Variants in CSMD1 observed in about 807,000 individuals in gnomAD.
CSMD1 encodes the protein CUB and Sushi multiple domains 1, also known as CUB and sushi domain-containing protein 1.
A neutral mutation model predicts 417.5 loss-of-function variants in CSMD1; 213 were observed. The ratio of observed to expected loss-of-function variants is 0.51; its 90% CI spans 0.46 to 0.57. The LOEUF is 0.57. Among genes scored for constraint, CSMD1 ranks in the 20% least tolerant of loss-of-function variants. The probability of loss-of-function intolerance (pLI) is 0.00; values close to 1 mark genes in which losing one functional copy is unlikely to be tolerated. For missense variants in CSMD1, 6,923 were observed against 4,529.7 expected (o/e 1.53, Z -15.17); for synonymous variants, 2,862 against 1,736.8 (o/e 1.65, Z -16.11).
chr8:4,694,462 C>G (rs1806986095), intron 1 of CSMD1, among the ~76,000 whole-genome samples: 1 of 152,092 alleles, frequency 6.6e-6, no homozygotes, highest in South Asian at 2.1e-4. Flanking sequence ...AGCGATTCTC[C>G]TGCCTCAGCC....
intron 5 of CSMD1, among the ~76,000 whole-genome samples, chr8:3,765,661 G>A (rs1021748938): frequency 6.6e-6 from 1 of 152,238 alleles, no homozygotes; most frequent in Non-Finnish European, 1.5e-5. Flanking sequence ...ATTAAGAACA[G>A]TAAGAGAATG....
At chr8:4,599,265 A>T (rs1800453664) in intron 2 of CSMD1, among the ~76,000 whole-genome samples, 3 of 152,218 alleles carry the variant, frequency 2.0e-5, no homozygotes, top group African/African-American at 7.2e-5. Flanking sequence ...GTGTCCAAGC[A>T]AGGAGATAAA....
chr8:4,190,537 T>C (rs1233566686), intron 3 of CSMD1, among the ~76,000 whole-genome samples: 1 of 99,458 alleles, frequency 1.0e-5, no homozygotes, highest in Admixed American at 1.4e-4. Context: ...TACATACACA[T>C]ATAAGCTTTT....
intron 3 of CSMD1, among the ~76,000 whole-genome samples, chr8:4,134,078 T>A (rs1217050581): frequency 1.3e-5 from 2 of 152,248 alleles, no homozygotes; most frequent in Admixed American, 6.5e-5. Context: ...GCTATTATTA[T>A]AAGATTATCA....
At chr8:4,521,974 T>G (rs899063113) in intron 2 of CSMD1, among the ~76,000 whole-genome samples, 1 of 152,200 alleles carries the variant, frequency 6.6e-6, no homozygotes, top group Non-Finnish European at 1.5e-5. Context: ...TGCCTTTTTG[T>G]ATCCTAGTTT....
chr8:3,197,566 C>T (rs1024275659), intron 33 of CSMD1, among the ~76,000 whole-genome samples: 10 of 151,352 alleles, frequency 6.6e-5, no homozygotes, highest in South Asian at 2.1e-4. Context: ...CCCGGGTTCA[C>T]GCCATTCTCC....
chr8:4,942,093 G>A (rs1280340691), intron 1 of CSMD1, among the ~76,000 whole-genome samples: 2 of 152,014 alleles, frequency 1.3e-5, no homozygotes, highest in Non-Finnish European at 1.5e-5. Flanking sequence ...ATTTTTACAG[G>A]TAACATTCCA....
At chr8:4,286,047 T>C (rs561323299) in intron 3 of CSMD1, among the ~76,000 whole-genome samples, 2 of 152,168 alleles carry the variant, frequency 1.3e-5, no homozygotes, top group Non-Finnish European at 2.9e-5. Context: ...GTGGAATTTG[T>C]AGTTACATCC....
At chr8:4,614,386 A>C (rs115297058) in intron 2 of CSMD1, among the ~76,000 whole-genome samples, 1 of 152,194 alleles carries the variant, frequency 6.6e-6, no homozygotes, top group African/African-American at 2.4e-5. Context: ...AGGTTGACAG[A>C]AAACAGTCCA....
At chr8:4,392,087 A>C (rs1265244608) in intron 3 of CSMD1, among the ~76,000 whole-genome samples, 1 of 152,158 alleles carries the variant, frequency 6.6e-6, no homozygotes, top group African/African-American at 2.4e-5. Context: ...CAGCTGCATG[A>C]GTGTCCAAGG....
At chr8:4,825,550 G>T (rs1450637214) in intron 1 of CSMD1, among the ~76,000 whole-genome samples, 1 of 151,584 alleles carries the variant, frequency 6.6e-6, no homozygotes, top group South Asian at 2.1e-4. Context: ...CTGCTTATAT[G>T]TGTGTGGCTG....
intron 47 of CSMD1, among the ~76,000 whole-genome samples, chr8:3,092,736 C>G (rs1016704852): frequency 2.6e-5 from 4 of 152,190 alleles, no homozygotes; most frequent in African/African-American, 7.2e-5. Flanking sequence ...CACCATAACC[C>G]AAAACCATTT....
intron 1 of CSMD1, among the ~76,000 whole-genome samples, chr8:4,751,059 G>A (rs1024869668): frequency 6.6e-6 from 1 of 152,178 alleles, no homozygotes; most frequent in South Asian, 2.1e-4. Context: ...CCTCACACCA[G>A]GTAAAGTTTG....
chr8:4,443,283 G>A (rs753794638), intron 2 of CSMD1, among the ~76,000 whole-genome samples: 5 of 152,122 alleles, frequency 3.3e-5, no homozygotes, highest in Non-Finnish European at 7.3e-5. Flanking sequence ...CTTCGCCTAA[G>A]TTTTGTATTC....
intron 3 of CSMD1, among the ~76,000 whole-genome samples, chr8:4,333,886 C>T (rs1401658837): frequency 2.0e-5 from 3 of 151,966 alleles, no homozygotes; most frequent in Non-Finnish European, 2.9e-5. Flanking sequence ...AATTTTTCCC[C>T]TTTATTTCTT....
intron 1 of CSMD1, among the ~76,000 whole-genome samples, chr8:4,756,611 T>C (rs1215695317): frequency 6.6e-6 from 1 of 152,214 alleles, no homozygotes; most frequent in African/African-American, 2.4e-5. Context: ...ATCTTCACTT[T>C]GGCTCACTAA....
At chr8:3,535,531 CGGA>C (rs962423085) in intron 10 of CSMD1, among the ~76,000 whole-genome samples, 1 of 151,994 alleles carries the variant, frequency 6.6e-6, no homozygotes, top group Non-Finnish European at 1.5e-5. Flanking sequence ...TGTAAGACCA[CGGA>C]GACTTGGAAG....
At chr8:4,015,825 C>T (rs561766703) in intron 4 of CSMD1, among the ~76,000 whole-genome samples, 4 of 152,218 alleles carry the variant, frequency 2.6e-5, no homozygotes, top group African/African-American at 4.8e-5. Context: ...ACTAAGCAAG[C>T]GGCGTAACTT....
chr8:3,692,324 C>A (rs1206409086), intron 7 of CSMD1, among the ~76,000 whole-genome samples: 2 of 152,158 alleles, frequency 1.3e-5, no homozygotes, highest in South Asian at 2.1e-4. Context: ...TGACCACATA[C>A]CCAAAAGAAG....
Sources: gnomAD v4.1 joint callset for allele counts (sites outside exome capture counted in the v4.1 genomes callset) on GRCh38, gnomAD v4.1.1 for gene constraint, MANE v1.5 for transcripts, NCBI Gene and HGNC (gene_info 2026-07-23, HGNC 2026-07-21) for gene names.